Variants in SLC45A4 observed in about 807,000 individuals in gnomAD.
SLC45A4 encodes the protein solute carrier family 45 member 4.
A neutral mutation model predicts 63.7 loss-of-function variants in SLC45A4; 32 were observed. The observed-to-expected ratio is 0.50, with a 90% CI of 0.38 to 0.67. The LOEUF (loss-of-function observed/expected upper bound fraction) is 0.67, where lower values mean the gene tolerates loss of function less well. Among genes scored for constraint, SLC45A4 ranks in the 30% least tolerant of loss-of-function variants. SLC45A4 has a pLI of 0.00. For missense variants in SLC45A4, 1,027 were observed against 1,157.7 expected (o/e 0.89, Z 1.64); for synonymous variants, 535 against 510.0 (o/e 1.05, Z -0.66).
chr8:141,248,695 G>A (rs969858516), intron 2 of SLC45A4, among the ~76,000 whole-genome samples: 7 of 151,946 alleles, frequency 4.6e-5, no homozygotes, highest in South Asian at 2.1e-4. Flanking sequence ...GCAAAACCTC[G>A]TCTCAATAAA....
chr8:141,292,452 C>T (rs902210196), intron 1 of SLC45A4, among the ~76,000 whole-genome samples: 3 of 152,266 alleles, frequency 2.0e-5, no homozygotes, highest in African/African-American at 7.2e-5. Flanking sequence ...GAGCCCCGCA[C>T]GCGCCCAGGG....
At chr8:141,219,519 C>T (rs990840410) in intron 4 of SLC45A4, 131 bp downstream of exon 4, 1 of 1,173,750 alleles carries the variant, frequency 8.5e-7, no homozygotes, top group African/African-American at 1.5e-5. Flanking sequence ...AGCCCTAAGA[C>T]CCTGCCCACT....
chr8:141,302,401 C>G (rs977604647), intron 1 of SLC45A4, among the ~76,000 whole-genome samples: 3 of 150,936 alleles, frequency 2.0e-5, no homozygotes, highest in African/African-American at 7.3e-5. Context: ...GCTGCCCTCC[C>G]TCCCCCCGAC....
At chr8:141,264,375 A>C (rs1829173132) in intron 1 of SLC45A4, among the ~76,000 whole-genome samples, 1 of 152,096 alleles carries the variant, frequency 6.6e-6, no homozygotes, top group Non-Finnish European at 1.5e-5. Flanking sequence ...TCAAGGCTGC[A>C]ATCTGTCCCA....
In SLC45A4 at chr8:141,218,986, C is replaced by T; in HGVS notation, c.654G>A (p.Trp218Ter). 2.5e-6 allele frequency: 4 copies of T among 1,613,236 alleles called. No homozygotes were observed. The highest frequency in any genetic ancestry group is 3.4e-6 in the Non-Finnish European group (4 of 1,179,872). ...AIGYVLGGLD[W>*]TQTFLGSWFR... ...ACCAGCTGCCCAGGAAGGTCTGGGTCCAGTCCAGCCCACCCAGCACGTAGC... is the reference window on the plus strand; with the variant it reads ...ACCAGCTGCCCAGGAAGGTCTGGGTTCAGTCCAGCCCACCCAGCACGTAGC... Residue 218 changes from tryptophan to a stop codon, truncating the protein, a stop_gained, in exon 5 of 9, where the codon TGG becomes TGA. Coordinates refer to ENST00000517878, the MANE Select transcript of SLC45A4 (RefSeq NM_001286646.2). LOFTEE classifies it high-confidence loss of function.
intron 1 of SLC45A4, among the ~76,000 whole-genome samples, chr8:141,267,015 C>A (rs945149729): frequency 1.3e-5 from 2 of 152,262 alleles, no homozygotes; most frequent in African/African-American, 2.4e-5. Flanking sequence ...TCAAGCAACA[C>A]GACACAGCAA....
chr8:141,298,753 C>T (rs897194208), intron 1 of SLC45A4, among the ~76,000 whole-genome samples: 20 of 152,138 alleles, frequency 1.3e-4, no homozygotes, highest in Non-Finnish European at 2.5e-4. Context: ...TAGCATGCTG[C>T]GTGGGCCAAC....
At position 141,211,198 on chromosome 8, in the gene SLC45A4, A is replaced by C; in HGVS notation, c.*374T>G. The stretch of plus-strand genomic sequence containing the variant: ...GCTCTGCTCTCAGGAATCCCCAGCA[A>C]ATGGTTTAGAGACGAATCAAAGTGC... On this transcript the variant is annotated 3_prime_UTR_variant, in exon 9 of 9. Coordinates refer to ENST00000517878, the MANE Select transcript of SLC45A4 (RefSeq NM_001286646.2). 2.6e-6 allele frequency: 1 copy of C among 388,720 alleles called. No homozygotes were observed. The highest frequency in any genetic ancestry group is 4.6e-6 in the Non-Finnish European group (1 of 218,908). The allele number at this position is 388,720 out of a possible 1,614,324, so 24.1% of individuals were successfully genotyped here. A position where few individuals can be genotyped will look rare whatever the true frequency, so the allele number is the denominator to read the frequency against.
intron 1 of SLC45A4, among the ~76,000 whole-genome samples, chr8:141,259,460 C>CGA (rs1294420606): frequency 1.4e-4 from 21 of 152,220 alleles, no homozygotes; most frequent in Non-Finnish European, 2.6e-4. Context: ...TGCACCCTTC[C>CGA]GTCTCTCCCC....
intron 7 of SLC45A4, among the ~76,000 whole-genome samples, chr8:141,212,884 C>T (rs867061466): frequency 2.0e-5 from 3 of 152,238 alleles, no homozygotes; most frequent in Admixed American, 2.0e-4. Flanking sequence ...GGCTCCCCCT[C>T]ACCCTGGTGG....
At position 141,227,672 on chromosome 8, in the gene SLC45A4, C is replaced by G. The variant is rs550020131; in HGVS notation, c.242-5907G>C. 5.3e-5 allele frequency among the ~76,000 whole-genome samples: 8 copies of G among 152,176 alleles called. No homozygotes were observed. The highest frequency in any genetic ancestry group is 1.9e-4 in the African/African-American group (8 of 41,446). On this transcript the variant is annotated intron_variant, in intron 2 of 8. Transcript: ENST00000517878. This position sits in a 1 kb window ranked among gnomAD's most constrained non-coding sequence, Gnocchi z 4.4. ...GGAAGGGCCACTGGCACTGGGCCCC[C>G]GGCACTGAGGCTCTGTGCTGGCGAG...
At chr8:141,219,603 C>T (rs376149133) in intron 4 of SLC45A4, 47 bp downstream of exon 4, 47 of 1,561,454 alleles carry the variant, frequency 3.0e-5, no homozygotes, top group African/African-American at 2.6e-4. Flanking sequence ...ACACCAGGCC[C>T]GGGCACGTTG....
chr8:141,239,540 G>GT (rs1170645936), intron 2 of SLC45A4, among the ~76,000 whole-genome samples: 4 of 151,682 alleles, frequency 2.6e-5, no homozygotes, highest in Non-Finnish European at 5.9e-5. Context: ...GCTTAGCAAA[G>GT]TAAGTGCTTA....
At chr8:141,250,209 CTA>C (rs1828400039) in intron 2 of SLC45A4, among the ~76,000 whole-genome samples, 1 of 152,172 alleles carries the variant, frequency 6.6e-6, no homozygotes, top group African/African-American at 2.4e-5. Context: ...ATGGTGGGAC[CTA>C]TGATTGTTCA....
intron 2 of SLC45A4, among the ~76,000 whole-genome samples, chr8:141,245,184 T>A (rs979769670): frequency 1.3e-5 from 2 of 152,186 alleles, no homozygotes; most frequent in Admixed American, 6.5e-5. Flanking sequence ...GTGTCAACTC[T>A]GCACACGTTT....
At chr8:141,247,545 G>A (rs117978584) in intron 2 of SLC45A4, among the ~76,000 whole-genome samples, 61 of 152,270 alleles carry the variant, frequency 4.0e-4, no homozygotes, top group Non-Finnish European at 8.4e-4. Flanking sequence ...AATTTATATG[G>A]AGATGTGAAA....
Position 141,254,663 on chromosome 8 carries a change from C to T in SLC45A4, c.-400-34G>A. On this transcript the variant is annotated intron_variant, in intron 1 of 8. Transcript: ENST00000517878. The surrounding 1 kb of genome is among the most constrained non-coding windows in gnomAD (Gnocchi z 4.5). The stretch of plus-strand genomic sequence containing the variant: ...GAGGAAAACAACCCGGCCAGAGAGT[C>T]AGGGGACGGCCACCAGATGGCCCTG... 1.4e-6 allele frequency: 1 copy of T among 696,806 alleles called. No homozygotes were observed. Among genetic ancestry groups the T allele is most frequent in the Non-Finnish European group, 2.6e-6 (1 of 381,722 alleles). 43.2% of individuals were successfully genotyped at this position (696,806 alleles called of 1,614,324 possible).
intron 8 of SLC45A4, 75 bp from the exon 9 acceptor site, chr8:141,211,772 CTT>C: frequency 7.0e-7 from 1 of 1,420,290 alleles, no homozygotes; most frequent in Non-Finnish European, 9.2e-7. Flanking sequence ...TCAGATAAGA[CTT>C]AGCAGAGAAT....
intron 1 of SLC45A4, among the ~76,000 whole-genome samples, chr8:141,273,557 C>T (rs537998088): frequency 3.9e-5 from 6 of 152,138 alleles, no homozygotes; most frequent in Non-Finnish European, 8.8e-5. Context: ...TGACAGCACG[C>T]GAAGCAGCTA....
Sources: gnomAD v4.1 joint callset for allele counts (sites outside exome capture counted in the v4.1 genomes callset) on GRCh38, gnomAD v4.1.1 for gene constraint, Gnocchi (gnomAD v3.1) non-coding constraint, MANE v1.5 for transcripts, NCBI Gene and HGNC (gene_info 2026-07-23, HGNC 2026-07-21) for gene names.